AGPS: variants seen among roughly 807,000 people sequenced by gnomAD.
The protein encoded by AGPS is alkylglycerone phosphate synthase, also known as alkyldihydroxyacetonephosphate synthase, peroxisomal.
A neutral mutation model predicts 90.7 loss-of-function variants in AGPS; 26 were observed. The observed-to-expected ratio is 0.29, with a 90% CI of 0.21 to 0.40. AGPS has a LOEUF of 0.40. AGPS is among the 10% of genes least tolerant of loss of function. The pLI, the probability that AGPS is intolerant of heterozygous loss-of-function variation, is 1.00. For missense variants in AGPS, 540 were observed against 816.1 expected, an observed-to-expected ratio of 0.66 and a Z score of 4.12; for synonymous variants, 294 against 285.3, an observed-to-expected ratio of 1.03 and a Z score of -0.31.
chr2:177,403,431 A>G (rs1258155406), intron 1 of AGPS, among the ~76,000 whole-genome samples: 1 of 152,226 alleles, frequency 6.6e-6, no homozygotes, highest in East Asian at 1.9e-4. Flanking sequence ...AATCTGGGCA[A>G]TGTAATAAAG....
intron 2 of AGPS, among the ~76,000 whole-genome samples, chr2:177,423,458 C>T (rs961270953): frequency 1.3e-5 from 2 of 152,026 alleles, no homozygotes; most frequent in South Asian, 2.1e-4. Context: ...TCAGGCCCCT[C>T]GCCTTCTATA....
intron 1 of AGPS, among the ~76,000 whole-genome samples, chr2:177,404,511 A>T (rs1464135780): frequency 6.6e-6 from 1 of 152,176 alleles, no homozygotes; most frequent in Non-Finnish European, 1.5e-5. Flanking sequence ...ATGTTGCAGA[A>T]TTGAACTTCA....
At chr2:177,435,007 A>AGG (rs1686359302) in intron 3 of AGPS, among the ~76,000 whole-genome samples, 7 of 145,968 alleles carry the variant, frequency 4.8e-5, no homozygotes, top group East Asian at 2.0e-4. Context: ...GTATATATAT[A>AGG]TATATATATA....
At chr2:177,428,397 T>C (rs1342162815) in intron 2 of AGPS, among the ~76,000 whole-genome samples, 2 of 152,244 alleles carry the variant, frequency 1.3e-5, no homozygotes, top group Non-Finnish European at 2.9e-5. Context: ...TACTTGTTTA[T>C]GTGGTTGCTT....
intron 8 of AGPS, among the ~76,000 whole-genome samples, chr2:177,447,069 A>G (rs565176841): frequency 5.3e-5 from 8 of 152,320 alleles, no homozygotes; most frequent in Non-Finnish European, 1.2e-4. Context: ...TAGAAAGTCC[A>G]ATTTGTTAGT....
chr2:177,442,322 A>T lies in AGPS; in HGVS notation c.710-85A>T, dbSNP rs183205649. The T allele has an allele frequency of 4.2e-4, 444 of 1,045,396 alleles. 3 individuals are homozygous for T. The African/African-American group carries it at 5.1e-3, about 12-fold the overall frequency. The allele number at this position is 1,045,396 out of a possible 1,614,324, so 64.8% of individuals were successfully genotyped here. On this transcript the variant is annotated intron_variant, in intron 6 of 19. Transcript: ENST00000264167. Reference sequence around the variant, plus strand: ...TCACTTTTCTAGTGGCCCTATCTGTATACTTGATATGAGGGATTTGCCATA... The same window carrying T: ...TCACTTTTCTAGTGGCCCTATCTGTTTACTTGATATGAGGGATTTGCCATA...
chr2:177,469,212 T>A (rs918561857), intron 10 of AGPS, among the ~76,000 whole-genome samples: 1 of 152,108 alleles, frequency 6.6e-6, no homozygotes, highest in African/African-American at 2.4e-5. Context: ...TTCCTTAAAT[T>A]CAGAGAAATA....
At chr2:177,420,531 C>T (rs1685913976) in intron 2 of AGPS, among the ~76,000 whole-genome samples, 173 bp downstream of exon 2, 1 of 151,584 alleles carries the variant, frequency 6.6e-6, no homozygotes, top group Non-Finnish European at 1.5e-5. Context: ...GTTGTCATGT[C>T]ACCTCTAAAT....
intron 8 of AGPS, among the ~76,000 whole-genome samples, chr2:177,460,479 G>A (rs994508370): frequency 2.0e-5 from 3 of 152,200 alleles, no homozygotes; most frequent in Non-Finnish European, 2.9e-5. Context: ...TAGTTAAAGT[G>A]TGTACTTAAA....
chr2:177,409,695 G>A (rs1442258032), intron 1 of AGPS, among the ~76,000 whole-genome samples: 1 of 152,130 alleles, frequency 6.6e-6, no homozygotes, highest in Admixed American at 6.5e-5. Context: ...TTCCTTGGGA[G>A]GGGTGCCTTC....
chr2:177,510,478 A>G (rs895442184), intron 16 of AGPS, among the ~76,000 whole-genome samples: 3 of 152,224 alleles, frequency 2.0e-5, no homozygotes, highest in South Asian at 2.1e-4. Context: ...GGATTAGTGC[A>G]ATGCTACCTC....
intron 8 of AGPS, among the ~76,000 whole-genome samples, chr2:177,452,199 A>G (rs1686971389): frequency 3.9e-5 from 6 of 152,200 alleles, no homozygotes; most frequent in Admixed American, 3.9e-4. Context: ...GTTAGGTCAG[A>G]TTGACTTATA....
At chr2:177,492,208 G>A (rs1688282979) in intron 11 of AGPS, among the ~76,000 whole-genome samples, 1 of 152,170 alleles carries the variant, frequency 6.6e-6, no homozygotes. Context: ...TTGCTGGTAG[G>A]AACTTAAAAT....
intron 12 of AGPS, among the ~76,000 whole-genome samples, chr2:177,493,944 G>A (rs1688340585): frequency 6.6e-6 from 1 of 152,126 alleles, no homozygotes; most frequent in South Asian, 2.1e-4. Flanking sequence ...AACTGGATGT[G>A]GAAGGCTAAA....
chr2:177,490,982 A>G (rs189050249), intron 11 of AGPS, among the ~76,000 whole-genome samples: 96 of 150,504 alleles, frequency 6.4e-4, no homozygotes, highest in African/African-American at 2.3e-3. Context: ...CAGCCTCCCA[A>G]GTAGCTGGGA....
intron 15 of AGPS, 106 bp from the exon 16 acceptor site, chr2:177,507,863 TA>T (rs1245296520): frequency 2.3e-6 from 2 of 871,952 alleles, no homozygotes; most frequent in Non-Finnish European, 3.9e-6. Context: ...TGGATGAAGT[TA>T]AATGAGAAAC....
At chr2:177,511,807 G>A (rs1195290793) in intron 16 of AGPS, among the ~76,000 whole-genome samples, 1 of 152,218 alleles carries the variant, frequency 6.6e-6, no homozygotes, top group African/African-American at 2.4e-5. Context: ...TTTACTGAAA[G>A]TGTCCCATTG....
intron 1 of AGPS, chr2:177,393,367 A>G (rs1410143895): frequency 1.0e-6 from 1 of 985,292 alleles, no homozygotes; most frequent in African/African-American, 1.7e-5. Context: ...TCTTGAATTA[A>G]TACTTTTGGT....
chr2:177,537,613 T>C (rs1468248929), intron 19 of AGPS, among the ~76,000 whole-genome samples: 2 of 152,150 alleles, frequency 1.3e-5, no homozygotes, highest in Non-Finnish European at 2.9e-5. Flanking sequence ...TTGAAGCCTT[T>C]ATGTTCGTTA....
Sources: gnomAD v4.1 joint callset for allele counts (sites outside exome capture counted in the v4.1 genomes callset) on GRCh38, gnomAD v4.1.1 for gene constraint, MANE v1.5 for transcripts, NCBI Gene and HGNC (gene_info 2026-07-23, HGNC 2026-07-21) for gene names.